The following KCND2 variants were observed in gnomAD, a reference collection of about 807,000 sequenced individuals.
KCND2 encodes A-type voltage-gated potassium channel KCND2.
A neutral mutation model predicts 54.4 loss-of-function variants in KCND2; 16 were observed. That is an observed-to-expected ratio of 0.29 (90% confidence interval 0.20 to 0.45). The LOEUF is 0.45. KCND2 is among the 20% of genes least tolerant of loss of function. KCND2 has a pLI of 1.00. For synonymous variants in KCND2, 317 were observed against 310.7 expected (o/e 1.02, Z -0.21); for missense variants, 486 against 824.2 (o/e 0.59, Z 5.02).
chr7:120,371,934 T>A (rs1563024969), intron 1 of KCND2, among the ~76,000 whole-genome samples: 4 of 151,930 alleles, frequency 2.6e-5, no homozygotes, highest in African/African-American at 7.2e-5. Context: ...ATCCCTGGTG[T>A]TAAGCAACAT....
chr7:120,378,140 CGTGT>C (rs1172107089), intron 1 of KCND2, among the ~76,000 whole-genome samples: 10 of 151,508 alleles, frequency 6.6e-5, no homozygotes, highest in Admixed American at 6.6e-4. Flanking sequence ...TATGTATATA[CGTGT>C]GTATTTGTGT....
intron 1 of KCND2, among the ~76,000 whole-genome samples, chr7:120,406,095 T>C (rs1801352505): frequency 6.6e-6 from 1 of 152,100 alleles, no homozygotes; most frequent in East Asian, 1.9e-4. Flanking sequence ...CTTAATGTAA[T>C]ATATTTATTT....
intron 1 of KCND2, among the ~76,000 whole-genome samples, chr7:120,690,592 C>T (rs754537862): frequency 1.6e-4 from 24 of 152,156 alleles, no homozygotes; most frequent in Non-Finnish European, 2.8e-4. Context: ...AAGGGCAGGA[C>T]ACTGGAACAG....
chr7:120,475,623 A>T (rs1802523571), intron 1 of KCND2, among the ~76,000 whole-genome samples: 1 of 152,212 alleles, frequency 6.6e-6, no homozygotes, highest in African/African-American at 2.4e-5. Context: ...GATGTCAAAT[A>T]ACAACATGGT....
intron 1 of KCND2, among the ~76,000 whole-genome samples, chr7:120,678,793 C>T (rs1792104844): frequency 6.8e-6 from 1 of 146,066 alleles, no homozygotes; most frequent in African/African-American, 2.5e-5. Flanking sequence ...TAAACACACA[C>T]ATTCTCTATC....
At chr7:120,638,089 T>G (rs1220433446) in intron 1 of KCND2, among the ~76,000 whole-genome samples, 1 of 152,216 alleles carries the variant, frequency 6.6e-6, no homozygotes, top group Middle Eastern at 3.4e-3. Flanking sequence ...AAAATAAAGG[T>G]TGGAGCAAAA....
intron 1 of KCND2, among the ~76,000 whole-genome samples, chr7:120,335,369 A>G (rs1244788073): frequency 5.3e-5 from 8 of 150,580 alleles, no homozygotes; most frequent in Non-Finnish European, 1.0e-4. Context: ...AAAAAAAAAA[A>G]AAAAAAAGAA....
intron 1 of KCND2, among the ~76,000 whole-genome samples, chr7:120,649,316 T>C (rs1791695201): frequency 6.6e-6 from 1 of 152,128 alleles, no homozygotes; most frequent in African/African-American, 2.4e-5. Context: ...GTACTATGGC[T>C]AGAGTTAAAA....
At chr7:120,663,288 T>G (rs1231803145) in intron 1 of KCND2, among the ~76,000 whole-genome samples, 1 of 152,170 alleles carries the variant, frequency 6.6e-6, no homozygotes, top group Non-Finnish European at 1.5e-5. Flanking sequence ...TTATGATCAG[T>G]TGAGCAATCA....
At chr7:120,590,921 G>A (rs963623599) in intron 1 of KCND2, among the ~76,000 whole-genome samples, 4 of 152,064 alleles carry the variant, frequency 2.6e-5, no homozygotes, top group Admixed American at 1.3e-4. Context: ...AGAAAGTTAT[G>A]AAAAACTGTC....
intron 1 of KCND2, among the ~76,000 whole-genome samples, chr7:120,310,934 C>CA (rs1023300696): frequency 0.046 from 2,629 of 57,556 alleles, 67 homozygotes; most frequent in African/African-American, 0.12. Context: ...AGACTCTGTC[C>CA]AAAAAAAAAA....
intron 1 of KCND2, among the ~76,000 whole-genome samples, chr7:120,583,043 A>G (rs1284810862): frequency 2.0e-5 from 3 of 152,024 alleles, no homozygotes; most frequent in East Asian, 1.9e-4. Context: ...GACAGAAAGT[A>G]TATTGTACAC....
At position 120,745,095 on chromosome 7, in the gene KCND2, G is replaced by A. The variant is rs566107707; in HGVS notation, c.1468-685G>A. Reference sequence around the variant, plus strand: ...ATCATGAGTACAGCCAGTGATGCCAGTGATGTATTACGAAGATTACAAAAA... The same window carrying A: ...ATCATGAGTACAGCCAGTGATGCCAATGATGTATTACGAAGATTACAAAAA... On this transcript the variant is annotated intron_variant, in intron 4 of 5. Transcript: ENST00000331113. Among the ~76,000 whole-genome samples the A allele has an allele frequency of 7.2e-5, 11 of 152,244 alleles. No individual in the cohort carries two copies. The South Asian group carries it at 2.3e-3, about 32-fold the overall frequency.
intron 1 of KCND2, among the ~76,000 whole-genome samples, chr7:120,524,882 C>T (rs1177845767): frequency 1.3e-5 from 2 of 152,098 alleles, no homozygotes; most frequent in Admixed American, 6.6e-5. Context: ...TGTTCAACGT[C>T]GGGATAGGAA....
rs1792998433 is a variant in KCND2, at chr7:120,745,805, T to C, written c.1493T>C (p.Val498Ala). ...AATCACGAGTTTGTGGACGAACAAG[T>C]CTTTGAAGAAAGCTGCATGGAAGTT... ...TTNHEFVDEQ[V>A]FEESCMEVAT... Residue 498 changes from valine to alanine, a missense_variant, in exon 5 of 6, where the codon GTC becomes GCC. Coordinates refer to ENST00000331113, the MANE Select transcript of KCND2 (RefSeq NM_012281.3). 1 of 1,613,776 alleles carries C rather than the reference T, an allele frequency of 6.2e-7. No individual in the cohort carries two copies. The highest frequency in any genetic ancestry group is 1.3e-5 in the African/African-American group (1 of 75,014).
intron 1 of KCND2, among the ~76,000 whole-genome samples, chr7:120,666,370 T>C (rs921423378): frequency 1.3e-5 from 2 of 151,960 alleles, no homozygotes; most frequent in African/African-American, 2.4e-5. Flanking sequence ...AATACCTATG[T>C]GTCAGGACCC....
rs144636434 is a variant in KCND2 at position 120,331,602 on chromosome 7, C to G, written c.1115+55855C>G. 1.5e-3 allele frequency among the ~76,000 whole-genome samples: 229 copies of G among 152,014 alleles called. 2 individuals are homozygous for G. The highest frequency in any genetic ancestry group is 4.9e-3 in the African/African-American group (204 of 41,522). ...CTGGCATATACCATATTAGCAGAAA[C>G]GATGAGATGATTGATTTTGTTTGTG... On this transcript the variant is annotated intron_variant, in intron 1 of 5. Coordinates refer to ENST00000331113, the MANE Select transcript of KCND2 (RefSeq NM_012281.3).
intron 1 of KCND2, among the ~76,000 whole-genome samples, chr7:120,363,833 T>C (rs1237811210): frequency 6.6e-6 from 1 of 152,108 alleles, no homozygotes; most frequent in Non-Finnish European, 1.5e-5. Context: ...GTTCCTCTGA[T>C]AGATCTCCTC....
At chr7:120,682,602 A>G (rs1388615876) in intron 1 of KCND2, among the ~76,000 whole-genome samples, 1 of 152,164 alleles carries the variant, frequency 6.6e-6, no homozygotes, top group Non-Finnish European at 1.5e-5. Flanking sequence ...TTATTGAAAG[A>G]CAGTGCAGTC....
Sources: allele counts gnomAD v4.1 joint callset (sites outside exome capture counted in the v4.1 genomes callset), GRCh38; gene constraint gnomAD v4.1.1; transcripts MANE v1.5; gene names NCBI Gene and HGNC (gene_info 2026-07-23, HGNC 2026-07-21).